The following MUSK variants were observed in gnomAD, a reference collection of about 807,000 sequenced individuals.
The protein encoded by MUSK is muscle, skeletal receptor tyrosine-protein kinase.
A neutral mutation model predicts 88.7 loss-of-function variants in MUSK; 55 were observed. The observed-to-expected ratio is 0.62, with a 90% CI of 0.50 to 0.78. The LOEUF (loss-of-function observed/expected upper bound fraction) is 0.78, where lower values mean the gene tolerates loss of function less well. MUSK is among the 30% of genes least tolerant of loss of function. The probability of loss-of-function intolerance (pLI) is 0.00; values close to 1 mark genes in which losing one functional copy is unlikely to be tolerated. For missense variants in MUSK, 1,015 were observed against 1,074.3 expected (o/e 0.94, Z 0.77); for synonymous variants, 387 against 391.9 (o/e 0.99, Z 0.15).
chr9:110,747,309 C>T (rs942925497), intron 6 of MUSK, among the ~76,000 whole-genome samples: 2 of 152,204 alleles, frequency 1.3e-5, no homozygotes, highest in African/African-American at 4.8e-5. Context: ...TTCTACCATG[C>T]TGGCTCTTGC....
chr9:110,672,115 A>G (rs1422068210), intron 1 of MUSK, among the ~76,000 whole-genome samples: 1 of 152,204 alleles, frequency 6.6e-6, no homozygotes, highest in Admixed American at 6.5e-5. Flanking sequence ...AGAGTTACTC[A>G]TTGCATGTTT....
At chr9:110,731,174 A>G (rs958958819) in intron 5 of MUSK, among the ~76,000 whole-genome samples, 1 of 152,100 alleles carries the variant, frequency 6.6e-6, no homozygotes, top group Non-Finnish European at 1.5e-5. Context: ...AGAAATAGAG[A>G]CAGATATGTA....
chr9:110,779,746 A>G (rs1336723887), intron 11 of MUSK, among the ~76,000 whole-genome samples: 4 of 152,024 alleles, frequency 2.6e-5, no homozygotes, highest in Non-Finnish European at 5.9e-5. Context: ...GATTTCCTTG[A>G]TTTTCTAATA....
Position 110,787,910 on chromosome 9 carries a change from C to G in MUSK, c.1927+72C>G. The G allele has an allele frequency of 2.0e-6, 3 of 1,516,224 alleles. No homozygotes were observed. In the South Asian group the frequency reaches 3.6e-5, roughly 18 times the overall value. The allele number at this position is 1,516,224 out of a possible 1,614,324, so 93.9% of individuals were successfully genotyped here. Reference sequence around the variant, plus strand: ...CTTTCCAAGTTTTTCTCCCCTTGTTCGTGCTTTTTCCTTTTCTCCTTGATC... The same window carrying G: ...CTTTCCAAGTTTTTCTCCCCTTGTTGGTGCTTTTTCCTTTTCTCCTTGATC... On this transcript the variant is annotated intron_variant, in intron 14 of 14. Transcript: ENST00000374448.
chr9:110,681,016 T>TATA lies in MUSK; in HGVS notation c.80-1657_80-1655dup, dbSNP rs1564209279. On this transcript the variant is annotated intron_variant, in intron 1 of 14. Transcript: ENST00000374448. ...TTATAATATATTATATTATATATAA[T>TATA]ATATATTATATATTATATATTATAT... Among the ~76,000 whole-genome samples the TATA allele has an allele frequency of 3.9e-3, 92 of 23,464 alleles. 1 individual carries two copies. The highest frequency in any genetic ancestry group is 7.1e-3 in the South Asian group (10 of 1,410). 15.4% of individuals were successfully genotyped at this position (23,464 alleles called of 152,430 possible).
chr9:110,710,461 T>C (rs1471150952), intron 5 of MUSK, among the ~76,000 whole-genome samples: 1 of 152,204 alleles, frequency 6.6e-6, no homozygotes, highest in African/African-American at 2.4e-5. Flanking sequence ...TAAAGCTGGA[T>C]GACATCTATC....
At chr9:110,783,567 C>A (rs1192868939) in intron 11 of MUSK, among the ~76,000 whole-genome samples, 1 of 151,718 alleles carries the variant, frequency 6.6e-6, no homozygotes, top group Non-Finnish European at 1.5e-5. Context: ...TCTGTTTGTA[C>A]CTTTTCTCTT....
chr9:110,746,449 A>G (rs758953816), intron 6 of MUSK, among the ~76,000 whole-genome samples: 1 of 152,224 alleles, frequency 6.6e-6, no homozygotes, highest in Non-Finnish European at 1.5e-5. Context: ...TAGGGAAGGC[A>G]CTGTAACATA....
intron 8 of MUSK, among the ~76,000 whole-genome samples, chr9:110,764,582 TTAGATAGA>T (rs200612115): frequency 6.7e-6 from 1 of 149,298 alleles, no homozygotes; most frequent in Non-Finnish European, 1.5e-5. Flanking sequence ...ATATATAAAT[TTAGATAGA>T]TAGATAGATA....
intron 6 of MUSK, among the ~76,000 whole-genome samples, chr9:110,737,333 TATAA>T (rs1170625314): frequency 2.9e-5 from 4 of 140,302 alleles, no homozygotes; most frequent in African/African-American, 1.3e-4. Flanking sequence ...TTATTTTTAA[TATAA>T]ATATATTTTA....
At chr9:110,728,774 T>C (rs1342106223) in intron 5 of MUSK, 2 of 1,424,956 alleles carry the variant, frequency 1.4e-6, no homozygotes, top group African/African-American at 2.9e-5. Context: ...TTTTCAATTG[T>C]TTATTTTTGT....
At chr9:110,703,236 G>A (rs1171001941) in intron 5 of MUSK, among the ~76,000 whole-genome samples, 2 of 151,916 alleles carry the variant, frequency 1.3e-5, no homozygotes, top group African/African-American at 4.8e-5. Flanking sequence ...GAGGAATAAG[G>A]AAAACAAAAA....
chr9:110,799,716 C>T (rs1028710963), intron 14 of MUSK, among the ~76,000 whole-genome samples: 2 of 152,046 alleles, frequency 1.3e-5, no homozygotes, highest in African/African-American at 4.8e-5. Flanking sequence ...TTTCAAAGTG[C>T]TAAAACGTTG....
At chr9:110,689,928 T>C (rs2076291563) in intron 3 of MUSK, among the ~76,000 whole-genome samples, 1 of 93,594 alleles carries the variant, frequency 1.1e-5, no homozygotes, top group African/African-American at 5.0e-5. Context: ...TATTTAAATA[T>C]AATATATAAA....
In MUSK at chr9:110,802,723, T is replaced by C. The variant is rs2078112498; in HGVS notation, c.*1735T>C. 6.6e-6 allele frequency among the ~76,000 whole-genome samples: 1 copy of C among 152,188 alleles called. No individual in the cohort carries two copies. Among genetic ancestry groups the C allele is most frequent in the Non-Finnish European group, 1.5e-5 (1 of 68,018 alleles). On this transcript the variant is annotated 3_prime_UTR_variant, in exon 15 of 15. Coordinates refer to ENST00000374448, the MANE Select transcript of MUSK (RefSeq NM_005592.4). Reference sequence around the variant, plus strand: ...ACCCAAGAGCCAATGACTCAACCTCTACCGTTGCCCACCCTGTCTATTAGC... The same window carrying C: ...ACCCAAGAGCCAATGACTCAACCTCCACCGTTGCCCACCCTGTCTATTAGC...
At chr9:110,747,452 C>T (rs1238907940) in intron 6 of MUSK, among the ~76,000 whole-genome samples, 189 bp from the exon 7 acceptor site, 2 of 152,216 alleles carry the variant, frequency 1.3e-5, no homozygotes, top group East Asian at 3.8e-4. Context: ...GAAAATGCTA[C>T]TTCTTGAGGG....
At position 110,784,844 on chromosome 9, in the gene MUSK, A is replaced by G; in HGVS notation, c.1414A>G (p.Ser472Gly). 1 of 1,613,800 alleles carries G rather than the reference A, an allele frequency of 6.2e-7. No individual in the cohort carries two copies. The highest frequency in any genetic ancestry group is 8.5e-7 in the Non-Finnish European group (1 of 1,179,772). Residue 472 changes from serine (S) to glycine (G), a missense_variant, in exon 12 of 15, where the codon AGT (serine) becomes GGT (glycine). Transcript: ENST00000374448. ...TFPPMTSSKP[S>G]VDIPNLPSSS... is the part of the protein sequence containing the mutation. ...CCCACCAATGACGTCCTCAAAGCCAAGTGTGGACATTCCAAATCTGCCTTC... is the reference window on the plus strand; with the variant it reads ...CCCACCAATGACGTCCTCAAAGCCAGGTGTGGACATTCCAAATCTGCCTTC...
intron 11 of MUSK, 93 bp downstream of exon 11, chr9:110,776,748 C>G: frequency 9.1e-7 from 1 of 1,097,966 alleles, no homozygotes; most frequent in South Asian, 1.7e-5. Flanking sequence ...ATGCCCAGAA[C>G]AGAATGTACA....
intron 5 of MUSK, among the ~76,000 whole-genome samples, chr9:110,701,903 T>C (rs535664517): frequency 7.9e-6 from 1 of 126,482 alleles, no homozygotes; most frequent in Admixed American, 9.7e-5. Context: ...TATTTTATTT[T>C]ATTTTATTTT....
Sources: gnomAD v4.1 joint callset for allele counts (sites outside exome capture counted in the v4.1 genomes callset) on GRCh38, gnomAD v4.1.1 for gene constraint, MANE v1.5 for transcripts, NCBI Gene and HGNC (gene_info 2026-07-23, HGNC 2026-07-21) for gene names.